ZNF721: variants seen among roughly 807,000 people sequenced by gnomAD.
ZNF721 encodes the protein zinc finger protein 721.
Under a neutral mutation model 2.4 loss-of-function variants are expected in ZNF721, and 2 were observed. The ratio of observed to expected loss-of-function variants is 0.82; its 90% CI spans 0.34 to 2.58. ZNF721 has a LOEUF of 2.58. ZNF721 is among the 30% of genes most tolerant of loss of function. ZNF721 has a pLI of 0.11. For missense variants in ZNF721, 1,187 were observed against 1,085.5 expected, an observed-to-expected ratio of 1.09 and a Z score of -1.31; for synonymous variants, 398 against 381.8, an observed-to-expected ratio of 1.04 and a Z score of -0.50.
chr4:456,349 C>T (rs1010001969), intron 2 of ZNF721, among the ~76,000 whole-genome samples: 1 of 152,178 alleles, frequency 6.6e-6, no homozygotes, highest in East Asian at 1.9e-4. Context: ...GGATTACAGG[C>T]GTGAGCCACC....
At chr4:484,276 G>T (rs142181774) in intron 1 of ZNF721, among the ~76,000 whole-genome samples, 2,536 of 151,888 alleles carry the variant, frequency 0.017, 66 homozygotes, top group African/African-American at 0.056. Context: ...GTCAGCTGAG[G>T]AGGATGTATA....
At chr4:465,302 G>A (rs1553866605) in intron 2 of ZNF721, among the ~76,000 whole-genome samples, 1 of 152,108 alleles carries the variant, frequency 6.6e-6, no homozygotes, top group East Asian at 1.9e-4. Flanking sequence ...TGGGAAAATT[G>A]TTTGATATTG....
chr4:472,553 T>C (rs782201010), intron 2 of ZNF721, 22 bp downstream of exon 2: 2 of 1,589,846 alleles, frequency 1.3e-6, no homozygotes, highest in Admixed American at 3.9e-5. Flanking sequence ...TATTAGGAAT[T>C]ATGCATTAAA....
At chr4:497,561 T>C (rs1382649990) in intron 1 of ZNF721, among the ~76,000 whole-genome samples, 1 of 152,050 alleles carries the variant, frequency 6.6e-6, no homozygotes, top group Admixed American at 6.6e-5. Flanking sequence ...GTTGTATTCA[T>C]TTTAGGGAGT....
At chr4:473,749 G>A (rs1472741095) in intron 1 of ZNF721, among the ~76,000 whole-genome samples, 65 of 152,196 alleles carry the variant, frequency 4.3e-4, no homozygotes, top group Non-Finnish European at 1.0e-4. Context: ...ACAGCCCGGG[G>A]AAGGTGCAGG....
chr4:440,401 ACT>A lies in ZNF721; in HGVS notation c.*1292_*1293del, dbSNP rs1256546097. 5.9e-5 allele frequency: 9 copies of A among 152,186 alleles called. No individual in the cohort carries two copies. Among genetic ancestry groups the A allele is most frequent in the Admixed American group, 3.9e-4 (6 of 15,266 alleles). 9.4% of individuals were successfully genotyped at this position (152,186 alleles called of 1,614,324 possible). On this transcript the variant is annotated 3_prime_UTR_variant, in exon 3 of 3. Transcript: ENST00000511833. ...TTATTTGCTTTTGAAAAAAATTTTT[ACT>A]TTTTTCAAGTGAAAAAATATATTTC...
rs781990965 is a variant in ZNF721, at chr4:442,334, G to C, written c.2133C>G (p.Asn711Lys). The C allele has an allele frequency of 1.2e-5, 20 of 1,613,910 alleles. No individual in the cohort carries two copies. The highest frequency in any genetic ancestry group is 1.4e-5 in the Non-Finnish European group (17 of 1,179,876). ...TGTGAACTCTCCTATGTGTAGTAAG[G>C]TTTCTTGACCTACTAAAGGCTTTGC... The part of the protein sequence containing the change: ...ECGKAFSRSR[N>K]LTTHRRVHTR... Residue 711 changes from asparagine to lysine, a missense_variant, in exon 3 of 3, where the codon AAC becomes AAG. Asn to Lys is a moderately conservative substitution (Grantham distance 94, BLOSUM62 0). Coordinates refer to ENST00000511833, the MANE Select transcript of ZNF721 (RefSeq NM_133474.4).
rs373583225 is a variant in ZNF721, at chr4:442,595, C to T, written c.1872G>A (p.Trp624Ter). 4 of 1,613,628 alleles carry T rather than the reference C, an allele frequency of 2.5e-6. No individual in the cohort carries two copies. The highest frequency in any genetic ancestry group is 2.2e-5 in the East Asian group (1 of 44,824). Residue 624 changes from tryptophan to a stop codon, truncating the protein, a stop_gained, in exon 3 of 3, where the codon TGG (tryptophan) becomes TGA (stop). Transcript: ENST00000511833. LOFTEE classifies it low-confidence loss of function (END_TRUNC). ...TCTTCTGTTGATTCAGGTCCGTGTA[C>T]CATACAAAGTCTTTGCCACACTCTT... ...KCEECGKDFV[W>*]YTDLNQQKKI...
At chr4:476,565 T>A (rs2108715598) in intron 1 of ZNF721, among the ~76,000 whole-genome samples, 1 of 152,314 alleles carries the variant, frequency 6.6e-6, no homozygotes, top group Middle Eastern at 3.4e-3. Flanking sequence ...CATTTAACAA[T>A]AATTAACACT....
intron 2 of ZNF721, among the ~76,000 whole-genome samples, chr4:459,843 T>G (rs61793722): frequency 0.41 from 59,623 of 145,854 alleles, 12,421 homozygotes; most frequent in African/African-American, 0.52. Context: ...AAAAAAAAGG[T>G]GGGGGAGGGG....
chr4:471,247 G>A (rs1715423437), intron 2 of ZNF721, among the ~76,000 whole-genome samples: 1 of 151,990 alleles, frequency 6.6e-6, no homozygotes, highest in Admixed American at 6.6e-5. Flanking sequence ...TACCACTTCT[G>A]GTCATACTAC....
intron 1 of ZNF721, among the ~76,000 whole-genome samples, chr4:478,770 ATTT>A (rs35238850): frequency 4.2e-5 from 6 of 142,612 alleles, no homozygotes; most frequent in African/African-American, 7.8e-5. Context: ...GAAAGGTCTG[ATTT>A]TTTTTTTTTT....
chr4:478,195 C>A (rs1428984853), intron 1 of ZNF721, among the ~76,000 whole-genome samples: 1 of 152,152 alleles, frequency 6.6e-6, no homozygotes, highest in Non-Finnish European at 1.5e-5. Context: ...TTATTTCTCT[C>A]AAGAAGACAA....
chr4:453,414 T>A (rs1412032371), intron 2 of ZNF721: 6 of 152,202 alleles, frequency 3.9e-5, no homozygotes, highest in Admixed American at 2.6e-4. Flanking sequence ...TTATCACTGT[T>A]CTCCATGTTG....
intron 1 of ZNF721, chr4:474,042 T>G: frequency 6.7e-7 from 1 of 1,486,814 alleles, no homozygotes; most frequent in Non-Finnish European, 9.1e-7. Context: ...ACCCGCAGGT[T>G]ACAGAGCGAT....
chr4:466,966 C>T (rs1715271529), intron 2 of ZNF721, among the ~76,000 whole-genome samples: 1 of 152,206 alleles, frequency 6.6e-6, no homozygotes, highest in African/African-American at 2.4e-5. Context: ...CGCCTGTAAT[C>T]CCAGCACTTT....
At position 499,094 on chromosome 4, in the gene ZNF721, G is replaced by A; in HGVS notation, c.-132C>T. The A allele has an allele frequency of 3.7e-6, 2 of 541,038 alleles. No individual in the cohort carries two copies. Among genetic ancestry groups the A allele is most frequent in the Non-Finnish European group, 6.4e-6 (2 of 311,522 alleles). The allele number at this position is 541,038 out of a possible 1,614,324, so 33.5% of individuals were successfully genotyped here. Reference sequence around the variant, plus strand: ...GCGACCGTCGCGGACTCGCCGGGAAGACGGCCCCACGGAGCCGGGAACACC... The same window carrying A: ...GCGACCGTCGCGGACTCGCCGGGAAAACGGCCCCACGGAGCCGGGAACACC... On this transcript the variant is annotated 5_prime_UTR_variant, in exon 1 of 3. Coordinates refer to ENST00000511833, the MANE Select transcript of ZNF721 (RefSeq NM_133474.4).
At chr4:459,807 G>A (rs1714961130) in intron 2 of ZNF721, among the ~76,000 whole-genome samples, 1 of 151,378 alleles carries the variant, frequency 6.6e-6, no homozygotes, top group East Asian at 1.9e-4. Context: ...CTCCAGCCTG[G>A]GCAAGAGAGC....
chr4:496,001 G>A (rs922860823), intron 1 of ZNF721, among the ~76,000 whole-genome samples: 1 of 152,144 alleles, frequency 6.6e-6, no homozygotes, highest in African/African-American at 2.4e-5. Context: ...CAGAAATACA[G>A]CCATTGCTCT....
Sources: gnomAD v4.1 joint callset for allele counts (sites outside exome capture counted in the v4.1 genomes callset) on GRCh38, gnomAD v4.1.1 for gene constraint, MANE v1.5 for transcripts, NCBI Gene and HGNC (gene_info 2026-07-23, HGNC 2026-07-21) for gene names.